The following LRP11 variants were observed in gnomAD, a reference collection of about 807,000 sequenced individuals.
LRP11 encodes low-density lipoprotein receptor-related protein 11.
LRP11 carries 25 observed loss-of-function variants against 43.1 expected under a neutral mutation model. The observed-to-expected ratio is 0.58, with a 90% confidence interval of 0.42 to 0.81. The LOEUF (loss-of-function observed/expected upper bound fraction) is 0.81, where lower values mean the gene tolerates loss of function less well. LRP11 is among the 30% of genes least tolerant of loss of function. The pLI is 0.00. For synonymous variants in LRP11, 316 were observed against 299.4 expected, an observed-to-expected ratio of 1.06 and a Z score of -0.57; for missense variants, 623 against 665.1, an observed-to-expected ratio of 0.94 and a Z score of 0.70.
intron 5 of LRP11, among the ~76,000 whole-genome samples, chr6:149,832,329 T>C (rs1312209112): frequency 6.7e-6 from 1 of 149,136 alleles, no homozygotes; most frequent in East Asian, 2.1e-4. Context: ...GTAGCTGGGA[T>C]TACAGGTGCC....
At chr6:149,841,358 G>T (rs1003282781) in intron 3 of LRP11, among the ~76,000 whole-genome samples, 4 of 152,132 alleles carry the variant, frequency 2.6e-5, no homozygotes, top group African/African-American at 9.7e-5. Context: ...CAGACTTACT[G>T]CAAGTTTACC....
chr6:149,841,357 T>C (rs1220120315), intron 3 of LRP11, among the ~76,000 whole-genome samples: 1 of 152,192 alleles, frequency 6.6e-6, no homozygotes, highest in Non-Finnish European at 1.5e-5. Flanking sequence ...ACAGACTTAC[T>C]GCAAGTTTAC....
Position 149,863,784 on chromosome 6 carries a change from C to A in LRP11, c.237G>T (p.Leu79=). The part of the protein sequence containing the change: ...ERPQEELELE[L]RAGGGPQEDC... ...CCTCCTGGGGGCCGCCGCCCGCGCG[C>A]AGCTCCAGCTCCAGCTCCTCCTGAG... Residue 79 remains leucine (L), a synonymous_variant, in exon 1 of 7, where the codon CTG becomes CTT. Coordinates refer to ENST00000239367, the MANE Select transcript of LRP11 (RefSeq NM_032832.6). 6.8e-7 allele frequency: 1 copy of A among 1,480,444 alleles called. No homozygotes were observed. The highest frequency in any genetic ancestry group is 8.9e-7 in the Non-Finnish European group (1 of 1,122,394). 91.7% of individuals were successfully genotyped at this position (1,480,444 alleles called of 1,614,324 possible). A position where few individuals can be genotyped will look rare whatever the true frequency, so the allele number is the denominator to read the frequency against.
intron 2 of LRP11, among the ~76,000 whole-genome samples, chr6:149,844,553 G>A (rs1269972220): frequency 1.3e-5 from 2 of 152,208 alleles, no homozygotes; most frequent in Non-Finnish European, 2.9e-5. Flanking sequence ...TCAGCCTGAA[G>A]ACTGTTTTTC....
At chr6:149,832,976 T>G (rs1776428669) in intron 5 of LRP11, among the ~76,000 whole-genome samples, 1 of 152,110 alleles carries the variant, frequency 6.6e-6, no homozygotes, top group Non-Finnish European at 1.5e-5. Flanking sequence ...GTCCAGCTAA[T>G]TTTTTGTAGT....
At chr6:149,849,508 A>G (rs891997236) in intron 2 of LRP11, among the ~76,000 whole-genome samples, 1 of 152,160 alleles carries the variant, frequency 6.6e-6, no homozygotes, top group African/African-American at 2.4e-5. Context: ...TGTAATTTCA[A>G]CACTTTGGGA....
intron 2 of LRP11, 70 bp downstream of exon 2, chr6:149,852,933 G>A (rs1776743082): frequency 2.2e-6 from 3 of 1,373,574 alleles, no homozygotes; most frequent in Non-Finnish European, 3.0e-6. Context: ...GGAGCATGAA[G>A]TGGCAGGACA....
chr6:149,850,632 T>G (rs1269005260), intron 2 of LRP11, among the ~76,000 whole-genome samples: 1 of 152,240 alleles, frequency 6.6e-6, no homozygotes, highest in Non-Finnish European at 1.5e-5. Flanking sequence ...AATCTACTAA[T>G]AGATCGGTTA....
chr6:149,852,043 A>G (rs9383865), intron 2 of LRP11, among the ~76,000 whole-genome samples: 54,971 of 151,990 alleles, frequency 0.36, 10,810 homozygotes, highest in East Asian at 0.82. Context: ...CTGCCTCCAT[A>G]ATTCAGTAAC....
chr6:149,832,657 G>A lies in LRP11; in HGVS notation c.1252+3428C>T, dbSNP rs552061905. Among the ~76,000 whole-genome samples the A allele has an allele frequency of 2.2e-5, 3 of 135,670 alleles. No individual in the cohort carries two copies. In the East Asian group the frequency reaches 6.4e-4, roughly 29 times the overall value. The allele number at this position is 135,670 out of a possible 152,430, so 89.0% of individuals were successfully genotyped here. A position where few individuals can be genotyped will look rare whatever the true frequency, so the allele number is the denominator to read the frequency against. ...TTTTTTTGAGATGGAGTCTCGCTCT[G>A]TTGCTCAGGCTGGAGTGCAGTGGCG... is the stretch of plus-strand genomic sequence containing the variant. On this transcript the variant is annotated intron_variant, in intron 5 of 6. Coordinates refer to ENST00000239367, the MANE Select transcript of LRP11 (RefSeq NM_032832.6).
intron 1 of LRP11, among the ~76,000 whole-genome samples, chr6:149,861,734 T>G (rs1307695458): frequency 1.3e-5 from 2 of 152,202 alleles, no homozygotes; most frequent in Admixed American, 1.3e-4. Flanking sequence ...TTGGCCAGGC[T>G]GGTCTCTAAC....
chr6:149,847,174 C>T (rs1311860430), intron 2 of LRP11, among the ~76,000 whole-genome samples: 2 of 152,110 alleles, frequency 1.3e-5, no homozygotes, highest in Non-Finnish European at 2.9e-5. Flanking sequence ...TGCAGGCCTG[C>T]GGTTCACTAG....
intron 1 of LRP11, among the ~76,000 whole-genome samples, chr6:149,856,798 A>T (rs1316427363): frequency 2.6e-5 from 4 of 152,132 alleles, no homozygotes; most frequent in Non-Finnish European, 5.9e-5. Context: ...AGCCTCCATG[A>T]CAAGGAAGAC....
At chr6:149,851,328 A>C (rs1220262044) in intron 2 of LRP11, among the ~76,000 whole-genome samples, 1 of 152,226 alleles carries the variant, frequency 6.6e-6, no homozygotes, top group Non-Finnish European at 1.5e-5. Context: ...ACCAAAGCTT[A>C]AATATGGGGT....
intron 2 of LRP11, among the ~76,000 whole-genome samples, chr6:149,845,240 A>G (rs1197673530): frequency 6.6e-6 from 1 of 152,248 alleles, no homozygotes; most frequent in Non-Finnish European, 1.5e-5. Flanking sequence ...GCCCATAGTA[A>G]GCGCTTAAAT....
At position 149,863,634 on chromosome 6, in the gene LRP11, T is replaced by C. The variant is rs1562450209; in HGVS notation, c.387A>G (p.Gln129=). ...RAPAAVRGWR[Q]CVAACCSEPR... ...GCTCGGAGCAGCAGGCCGCCACGCA[T>C]TGCCGCCAGCCCCGCACGGCCGCCG... Residue 129 remains glutamine, a synonymous_variant, in exon 1 of 7, where the codon CAA becomes CAG. Coordinates refer to ENST00000239367, the MANE Select transcript of LRP11 (RefSeq NM_032832.6). The C allele has an allele frequency of 1.4e-6, 2 of 1,469,872 alleles. No individual in the cohort carries two copies. Among genetic ancestry groups the C allele is most frequent in the Non-Finnish European group, 1.8e-6 (2 of 1,117,566 alleles). 91.1% of individuals were successfully genotyped at this position (1,469,872 alleles called of 1,614,324 possible). A position where few individuals can be genotyped will look rare whatever the true frequency, so the allele number is the denominator to read the frequency against.
At position 149,836,213 on chromosome 6, in the gene LRP11, C is replaced by T; in HGVS notation, c.1124G>A (p.Gly375Asp). The change falls in exon 5 of 7, where the codon GGT becomes GAT. Residue 375 changes from glycine to aspartate, a missense_variant. Transcript: ENST00000239367. ...CTGAGACTTTTCCACCAAGGAGTCA[C>T]CCCCTGCATCTTCACTCGGCCCTGT... ...RTTGPSEDAG[G>D]DSLVEKSQKA... 6.2e-7 allele frequency: 1 copy of T among 1,614,154 alleles called. No homozygotes were observed. Among genetic ancestry groups the T allele is most frequent in the Non-Finnish European group, 8.5e-7 (1 of 1,180,034 alleles).
intron 1 of LRP11, 86 bp from the exon 2 acceptor site, chr6:149,853,246 T>C (rs189623222): frequency 8.5e-6 from 9 of 1,059,536 alleles, no homozygotes; most frequent in Middle Eastern, 3.1e-4. Flanking sequence ...TGAATAGATA[T>C]GATTCGGCAA....
At chr6:149,853,515 T>C (rs76134256) in intron 1 of LRP11, among the ~76,000 whole-genome samples, 1,878 of 152,292 alleles carry the variant, frequency 0.012, 22 homozygotes, top group South Asian at 0.02. Context: ...TAAAAGATTA[T>C]TATTATTTTG....
Sources: allele counts gnomAD v4.1 joint callset (sites outside exome capture counted in the v4.1 genomes callset), GRCh38; gene constraint gnomAD v4.1.1; transcripts MANE v1.5; gene names NCBI Gene and HGNC (gene_info 2026-07-23, HGNC 2026-07-21).